Variants in FBXL5 observed in about 807,000 individuals in gnomAD.
The protein encoded by FBXL5 is F-box/LRR-repeat protein 5.
Under a neutral mutation model 78.3 loss-of-function variants are expected in FBXL5, and 26 were observed. The ratio of observed to expected loss-of-function variants is 0.33; its 90% CI spans 0.24 to 0.46. The LOEUF is 0.46. FBXL5 is among the 20% of genes least tolerant of loss of function. The probability of loss-of-function intolerance (pLI) is 1.00; values close to 1 mark genes in which losing one functional copy is unlikely to be tolerated. For synonymous variants in FBXL5, 295 were observed against 282.5 expected (o/e 1.04, Z -0.45); for missense variants, 710 against 829.2 (o/e 0.86, Z 1.77).
At chr4:15,666,842 C>G (rs755743590) in intron 1 of FBXL5, among the ~76,000 whole-genome samples, 2 of 150,816 alleles carry the variant, frequency 1.3e-5, no homozygotes, top group African/African-American at 2.4e-5. Context: ...CTAAACTAAA[C>G]TAAGAGTAAA....
chr4:15,668,531 A>T (rs1717638965), intron 1 of FBXL5, among the ~76,000 whole-genome samples: 1 of 151,964 alleles, frequency 6.6e-6, no homozygotes, highest in African/African-American at 2.4e-5. Context: ...GTTTATTTCA[A>T]ACCAACAGCC....
rs1196631183 is a variant in FBXL5, at chr4:15,605,023, CAA to C, written c.*698_*699del. Reference sequence around the variant, plus strand: ...CAACAGTATTACTTGGTAAAGTCCTCAAAGTAGATTTTATTTATACATTTCTT... The same window carrying C: ...CAACAGTATTACTTGGTAAAGTCCTCAGTAGATTTTATTTATACATTTCTT... On this transcript the variant is annotated 3_prime_UTR_variant, in exon 11 of 11. Transcript: ENST00000341285. The C allele has an allele frequency of 1.3e-5, 2 of 152,452 alleles. No homozygotes were observed. The highest frequency in any genetic ancestry group is 2.9e-5 in the Non-Finnish European group (2 of 68,026). The allele number at this position is 152,452 out of a possible 1,614,324, so 9.4% of individuals were successfully genotyped here.
At chr4:15,610,990 C>G (rs1186471887) in intron 10 of FBXL5, among the ~76,000 whole-genome samples, 1 of 152,128 alleles carries the variant, frequency 6.6e-6, no homozygotes, top group Admixed American at 6.5e-5. Flanking sequence ...GTAACAGCTT[C>G]ACTGCATCAA....
At chr4:15,627,530 A>G (rs1000185416) in intron 7 of FBXL5, among the ~76,000 whole-genome samples, 1 of 152,214 alleles carries the variant, frequency 6.6e-6, no homozygotes, top group Non-Finnish European at 1.5e-5. Context: ...ATCCACTTTT[A>G]TAAAACAGTG....
At chr4:15,649,255 G>T (rs781427249) in intron 1 of FBXL5, among the ~76,000 whole-genome samples, 1 of 151,862 alleles carries the variant, frequency 6.6e-6, no homozygotes. Context: ...TTTTTAACCC[G>T]GTACCTAAAG....
chr4:15,648,896 G>C (rs552408290), intron 1 of FBXL5, among the ~76,000 whole-genome samples: 3 of 152,122 alleles, frequency 2.0e-5, no homozygotes, highest in Non-Finnish European at 4.4e-5. Flanking sequence ...ATCGTTTGTG[G>C]TGATGGATGT....
upstream of FBXL5, among the ~76,000 whole-genome samples, chr4:15,664,550 CTTTTT>C (rs35319145): frequency 6.6e-5 from 5 of 75,520 alleles, no homozygotes; most frequent in Admixed American, 4.1e-4. Context: ...GGCCCTCATC[CTTTTT>C]TTTTTTTTTT....
At chr4:15,675,525 G>A (rs1717951230) in intron 1 of FBXL5, among the ~76,000 whole-genome samples, 1 of 150,604 alleles carries the variant, frequency 6.6e-6, no homozygotes, top group Non-Finnish European at 1.5e-5. Flanking sequence ...AACCACTCAA[G>A]GAGTTGAACC....
intron 5 of FBXL5, among the ~76,000 whole-genome samples, chr4:15,631,692 G>A (rs1713683117): frequency 6.6e-6 from 1 of 152,216 alleles, no homozygotes; most frequent in East Asian, 1.9e-4. Context: ...TTTTTCATGT[G>A]TCTGTTGGCT....
intron 2 of FBXL5, among the ~76,000 whole-genome samples, chr4:15,642,646 G>A (rs1258252551): frequency 1.3e-5 from 2 of 152,130 alleles, no homozygotes; most frequent in Admixed American, 1.3e-4. Context: ...CTAATGTCCT[G>A]TTCTCTTACG....
intron 1 of FBXL5, among the ~76,000 whole-genome samples, chr4:15,677,026 A>G (rs183838461): frequency 1.8e-4 from 28 of 152,354 alleles, no homozygotes; most frequent in African/African-American, 6.0e-4. Flanking sequence ...AACTCCGTTT[A>G]TATTAAGGTC....
At chr4:15,615,334 G>A (rs914537116) in intron 9 of FBXL5, among the ~76,000 whole-genome samples, 3 of 152,110 alleles carry the variant, frequency 2.0e-5, no homozygotes, top group African/African-American at 7.2e-5. Flanking sequence ...AGCTCCACAT[G>A]CAACCCCGGT....
At chr4:15,658,265 G>C (rs1717117385), upstream of FBXL5, among the ~76,000 whole-genome samples, 1 of 152,226 alleles carries the variant, frequency 6.6e-6, no homozygotes, top group Non-Finnish European at 1.5e-5. Flanking sequence ...TGGAATCATA[G>C]TCCTCACTCA....
At chr4:15,673,060 C>T (rs553592695) in intron 1 of FBXL5, among the ~76,000 whole-genome samples, 64 of 152,232 alleles carry the variant, frequency 4.2e-4, no homozygotes, top group Admixed American at 1.1e-3. Flanking sequence ...GATAACAATG[C>T]CTTCGTCTGT....
intron 1 of FBXL5, among the ~76,000 whole-genome samples, chr4:15,649,067 A>C (rs1462736760): frequency 6.6e-6 from 1 of 152,192 alleles, no homozygotes; most frequent in East Asian, 1.9e-4. Flanking sequence ...CTTGGTGGAG[A>C]ATACAAAATA....
chr4:15,617,924 C>T (rs1481081010), intron 9 of FBXL5, among the ~76,000 whole-genome samples: 4 of 151,848 alleles, frequency 2.6e-5, no homozygotes, highest in African/African-American at 9.7e-5. Context: ...CGTTTACCTA[C>T]GTAACAAACC....
At chr4:15,621,764 A>C (rs1712505130) in intron 9 of FBXL5, among the ~76,000 whole-genome samples, 1 of 152,220 alleles carries the variant, frequency 6.6e-6, no homozygotes, top group Non-Finnish European at 1.5e-5. Flanking sequence ...TTAAGACCAC[A>C]AATGGCCCTA....
Position 15,636,463 on chromosome 4 carries a change from A to G in FBXL5, c.766+31T>C, listed in dbSNP as rs564283091. On this transcript the variant is annotated intron_variant, in intron 5 of 10. Transcript: ENST00000341285. ...AATGAATATTCATCTAGAAAAATACATGAAAATATTTTAAAAACCCATTTA... is the reference window on the plus strand; with the variant it reads ...AATGAATATTCATCTAGAAAAATACGTGAAAATATTTTAAAAACCCATTTA... The G allele has an allele frequency of 1.0e-5, 15 of 1,464,146 alleles. 1 individual carries two copies. The South Asian group carries it at 1.9e-4, about 19-fold the overall frequency. The allele number at this position is 1,464,146 out of a possible 1,614,324, so 90.7% of individuals were successfully genotyped here. A position where few individuals can be genotyped will look rare whatever the true frequency, so the allele number is the denominator to read the frequency against.
At chr4:15,626,990 C>A (rs760387220) in intron 7 of FBXL5, 35 bp from the exon 8 acceptor site, 1 of 1,398,818 alleles carries the variant, frequency 7.1e-7, no homozygotes, top group Non-Finnish European at 9.9e-7. Context: ...TAAAGATCTG[C>A]AGAACTTCAG....
Sources: gnomAD v4.1 joint callset for allele counts (sites outside exome capture counted in the v4.1 genomes callset) on GRCh38, gnomAD v4.1.1 for gene constraint, MANE v1.5 for transcripts, NCBI Gene and HGNC (gene_info 2026-07-23, HGNC 2026-07-21) for gene names.